U2AF1: variants seen among roughly 807,000 people sequenced by gnomAD.
The protein encoded by U2AF1 is U2 small nuclear RNA auxiliary factor 1, also known as splicing factor U2AF 35 kDa subunit.
For synonymous variants in U2AF1, 8 were observed against 27.2 expected (o/e 0.29, Z 2.20); for missense variants, 4 against 75.9 (o/e 0.05, Z 3.52).
rs998221297 is a variant in U2AF1 at position 43,094,393 on chromosome 21, AT to A, written c.575+77del. ...AAACAGAAACGACACCTATGCCAAA[AT>A]TTTTTTTTTGGAAGGGGGAGGGTTG... On this transcript the variant is annotated intron_variant, in intron 7 of 7. Transcript: ENST00000291552. 3.0e-3 allele frequency: 1,873 copies of A among 624,484 alleles called. 18 individuals are homozygous for A. The highest frequency in any genetic ancestry group is 4.9e-3 in the Middle Eastern group (9 of 1,846). 38.7% of individuals were successfully genotyped at this position (624,484 alleles called of 1,614,324 possible).
rs557570545 is a variant in U2AF1, at chr21:43,107,299, G to A, written c.44+152C>T. 406 of 209,582 alleles carry A rather than the reference G, an allele frequency of 1.9e-3. 30 individuals are homozygous for A. In the East Asian group the frequency reaches 0.02, roughly 11 times the overall value. 13.0% of individuals were successfully genotyped at this position (209,582 alleles called of 1,614,324 possible). A position where few individuals can be genotyped will look rare whatever the true frequency, so the allele number is the denominator to read the frequency against. On this transcript the variant is annotated intron_variant, in intron 1 of 7. Transcript: ENST00000291552. ...GGCGGCGGCTCCGGAGGGCGCGCAA[G>A]GGGCCGGAAGGGCCACCGCTCCTTC...
At chr21:43,107,098 T>G (rs1984825118) in intron 1 of U2AF1, among the ~76,000 whole-genome samples, 1 of 106,408 alleles carries the variant, frequency 9.4e-6, no homozygotes, top group Non-Finnish European at 2.0e-5. Context: ...GCCCGGATGC[T>G]CCAGGCAACT....
intron 1 of U2AF1, among the ~76,000 whole-genome samples, chr21:43,107,150 G>C (rs892073557): frequency 8.8e-6 from 1 of 113,202 alleles, no homozygotes; most frequent in East Asian, 2.0e-4. Flanking sequence ...CGGCGACTCG[G>C]AGGCCCGGAC....
chr21:43,103,910 TCTA>T (rs1249978622), intron 2 of U2AF1: 1 of 127,308 alleles, frequency 7.9e-6, no homozygotes, highest in East Asian at 1.9e-4. Flanking sequence ...CTCCATCACC[TCTA>T]CTGTCTGGAG....
chr21:43,099,847 C>T (rs370512861), intron 3 of U2AF1: 2 of 64,488 alleles, frequency 3.1e-5, no homozygotes, highest in East Asian at 2.4e-4. Flanking sequence ...GAATATGACT[C>T]GACGTTTAAT....
In U2AF1 at chr21:43,095,274, C is replaced by T. The variant is rs567061432; in HGVS notation, c.348+164G>A. The T allele has an allele frequency of 7.8e-5, 35 of 451,600 alleles. 10 individuals are homozygous for T. Among genetic ancestry groups the T allele is most frequent in the African/African-American group, 6.7e-4 (19 of 28,220 alleles). 28.0% of individuals were successfully genotyped at this position (451,600 alleles called of 1,614,324 possible). A position where few individuals can be genotyped will look rare whatever the true frequency, so the allele number is the denominator to read the frequency against. On this transcript the variant is annotated intron_variant, in intron 5 of 7. Coordinates refer to ENST00000291552, the MANE Select transcript of U2AF1 (RefSeq NM_006758.3). ...GCCAGTGCACCTGAGCCCTGCTGTG[C>T]GCCTGAGCATCCAGGATCTCAAGGT...
Position 43,096,850 on chromosome 21 carries a change from TA to T in U2AF1, c.200-1108del, listed in dbSNP as rs200214678. Among the ~76,000 whole-genome samples the T allele has an allele frequency of 9.4e-3, 592 of 63,056 alleles. 101 individuals are homozygous for T. Among genetic ancestry groups the T allele is most frequent in the Non-Finnish European group, 0.011 (348 of 31,638 alleles). 41.4% of individuals were successfully genotyped at this position (63,056 alleles called of 152,430 possible). ...CACAACCACGCCCGGCTAATTTTTG[TA>T]TTTTTAATAGAGATGGGGTTTCACC... On this transcript the variant is annotated intron_variant, in intron 3 of 7. Transcript: ENST00000291552.
rs1306547679 is a variant in U2AF1 at position 43,095,317 on chromosome 21, C to A, written c.348+121G>T. On this transcript the variant is annotated intron_variant, in intron 5 of 7. Transcript: ENST00000291552. ...CTCAAGGTGCATGGCGACAGGCACC[C>A]CATCCTCTGTCGGCCTTGGCCCCGG... The A allele has an allele frequency of 1.2e-4, 58 of 469,186 alleles. 16 individuals are homozygous for A. The Admixed American group carries it at 2.6e-3, about 21-fold the overall frequency. The allele number at this position is 469,186 out of a possible 1,614,324, so 29.1% of individuals were successfully genotyped here.
chr21:43,094,782 G>A lies in U2AF1; in HGVS notation c.355C>T (p.Arg119Cys), dbSNP rs375393848. The change falls in exon 6 of 8, where the codon CGT becomes TGT. Residue 119 changes from arginine (R) to cysteine (C), a missense_variant. Transcript: ENST00000291552. Reference sequence around the variant, plus strand: ...ACAGCCTTTTCCGCATCTTCCTCACGGCGAAACTGAAAAGACAAAAACAGA... The same window carrying A: ...ACAGCCTTTTCCGCATCTTCCTCACAGCGAAACTGAAAAGACAAAAACAGA... The part of the protein sequence containing the change: ...LVGNVYVKFR[R>C]EEDAEKAVID... The A allele has an allele frequency of 1.6e-6, 1 of 626,086 alleles. No individual in the cohort carries two copies. The highest frequency in any genetic ancestry group is 2.5e-6 in the Non-Finnish European group (1 of 403,674). 38.8% of individuals were successfully genotyped at this position (626,086 alleles called of 1,614,324 possible).
rs138142708 is a variant in U2AF1, at chr21:43,095,329, G to A, written c.348+109C>T. On this transcript the variant is annotated intron_variant, in intron 5 of 7. Coordinates refer to ENST00000291552, the MANE Select transcript of U2AF1 (RefSeq NM_006758.3). ...GGCGACAGGCACCCCATCCTCTGTC[G>A]GCCTTGGCCCCGGCACACTAAGCGG... 9 of 475,492 alleles carry A rather than the reference G, an allele frequency of 1.9e-5. 1 individual carries two copies. The East Asian group carries it at 1.9e-4, about 10-fold the overall frequency. 29.5% of individuals were successfully genotyped at this position (475,492 alleles called of 1,614,324 possible). A position where few individuals can be genotyped will look rare whatever the true frequency, so the allele number is the denominator to read the frequency against.
intron 5 of U2AF1, 123 bp from the exon 6 acceptor site, chr21:43,094,911 A>G: frequency 2.5e-6 from 1 of 401,364 alleles, no homozygotes; most frequent in Non-Finnish European, 4.5e-6. Flanking sequence ...ATAGTATTAC[A>G]GGATAATTGA....
chr21:43,097,600 C>G lies in U2AF1; in HGVS notation c.200-1857G>C, dbSNP rs928101031. The G allele has an allele frequency of 7.5e-5, 6 of 80,176 alleles. 1 individual carries two copies. Among genetic ancestry groups the G allele is most frequent in the African/African-American group, 3.6e-4 (6 of 16,720 alleles). 5.0% of individuals were successfully genotyped at this position (80,176 alleles called of 1,614,324 possible). ...GACTGCTGGCACACGGGTCTTTGAG[C>G]TTGCTCAAAACTCTTTTTATCTTTT... On this transcript the variant is annotated intron_variant, in intron 3 of 7. Transcript: ENST00000291552.
Position 43,095,359 on chromosome 21 carries a change from A to G in U2AF1, c.348+79T>C, listed in dbSNP as rs923697053. On this transcript the variant is annotated intron_variant, in intron 5 of 7. Transcript: ENST00000291552. ...TGGCCCCGGCACACTAAGCGGCTGC[A>G]CCACTGTCTCGCTTTCGCCTGTTGG... is the stretch of plus-strand genomic sequence containing the variant. 2.5e-4 allele frequency: 151 copies of G among 610,908 alleles called. 42 individuals carry two copies. Among genetic ancestry groups the G allele is most frequent in the Middle Eastern group, 5.0e-4 (1 of 2,008 alleles). 37.8% of individuals were successfully genotyped at this position (610,908 alleles called of 1,614,324 possible).
intron 7 of U2AF1, 151 bp downstream of exon 7, chr21:43,094,319 AT>A (rs1984190021): frequency 2.1e-6 from 1 of 468,864 alleles, no homozygotes; most frequent in African/African-American, 2.6e-5. Context: ...CAAAGAGGAC[AT>A]TTGGATATTT....
rs1324927137 is a variant in U2AF1, at chr21:43,107,214, G to A, written c.44+237C>T. On this transcript the variant is annotated intron_variant, in intron 1 of 7. Transcript: ENST00000291552. ...AGGCCGGAGAAAGCTCGGCCGCGGC[G>A]CCCCGAAAAGAGACCCCATTCATTC... 4.4e-5 allele frequency among the ~76,000 whole-genome samples: 5 copies of A among 112,538 alleles called. 2 individuals carry two copies. The highest frequency in any genetic ancestry group is 9.6e-5 in the Non-Finnish European group (5 of 52,210). The allele number at this position is 112,538 out of a possible 152,430, so 73.8% of individuals were successfully genotyped here.
chr21:43,097,647 C>T (rs570428391), intron 3 of U2AF1: 2 of 79,526 alleles, frequency 2.5e-5, no homozygotes, highest in South Asian at 6.7e-4. Flanking sequence ...TTTGAGACGG[C>T]GTCTCACTGT....
Position 43,095,406 on chromosome 21 carries a change from C to T in U2AF1, c.348+32G>A, listed in dbSNP as rs760718283. The T allele has an allele frequency of 9.8e-6, 9 of 919,312 alleles. 2 individuals carry two copies. Among genetic ancestry groups the T allele is most frequent in the East Asian group, 4.6e-5 (2 of 43,362 alleles). 56.9% of individuals were successfully genotyped at this position (919,312 alleles called of 1,614,324 possible). ...TTGGCCTTGGCCCTGGCACACTAAG[C>T]GGCCACGCCGCCGTCTCGCCCTGGC... On this transcript the variant is annotated intron_variant, in intron 5 of 7. Transcript: ENST00000291552.
rs915485981 is a variant in U2AF1 at position 43,097,581 on chromosome 21, T to C, written c.200-1838A>G. On this transcript the variant is annotated intron_variant, in intron 3 of 7. Transcript: ENST00000291552. ...GCACCCAACGTGGGCATCTGACTGC[T>C]GGCACACGGGTCTTTGAGCTTGCTC... 3.9e-5 allele frequency: 3 copies of C among 76,626 alleles called. 1 individual carries two copies. The highest frequency in any genetic ancestry group is 1.9e-4 in the African/African-American group (3 of 15,884). 4.7% of individuals were successfully genotyped at this position (76,626 alleles called of 1,614,324 possible). A position where few individuals can be genotyped will look rare whatever the true frequency, so the allele number is the denominator to read the frequency against.
intron 3 of U2AF1, chr21:43,098,593 G>A (rs1984441264): frequency 9.3e-6 from 1 of 108,088 alleles, no homozygotes; most frequent in Admixed American, 1.0e-4. Context: ...AAACAAAAGT[G>A]CTGTGAACTG....
Sources: gnomAD v4.1 joint callset for allele counts (sites outside exome capture counted in the v4.1 genomes callset) on GRCh38, gnomAD v4.1.1 for gene constraint, MANE v1.5 for transcripts, NCBI Gene and HGNC (gene_info 2026-07-23, HGNC 2026-07-21) for gene names.